Variants in TCF4 observed in about 807,000 individuals in gnomAD.
TCF4 encodes the protein transcription factor 4.
A neutral mutation model predicts 82.1 loss-of-function variants in TCF4; 3 were observed. The ratio of observed to expected loss-of-function variants is 0.04; its 90% CI spans 0.02 to 0.09. The LOEUF (loss-of-function observed/expected upper bound fraction) is 0.09. TCF4 is among the 10% of genes least tolerant of loss of function. TCF4 has a pLI of 1.00. For synonymous variants in TCF4, 276 were observed against 309.6 expected, an observed-to-expected ratio of 0.89 and a Z score of 1.14; for missense variants, 518 against 852.7, an observed-to-expected ratio of 0.61 and a Z score of 4.89.
At chr18:55,558,092 T>C (rs2097320585) in intron 3 of TCF4, among the ~76,000 whole-genome samples, 1 of 151,928 alleles carries the variant, frequency 6.6e-6, no homozygotes, top group East Asian at 1.9e-4. Context: ...TACACCTGTA[T>C]TCCCAGATAC....
intron 8 of TCF4, among the ~76,000 whole-genome samples, chr18:55,347,947 T>C (rs1302423054): frequency 6.6e-6 from 1 of 152,166 alleles, no homozygotes; most frequent in African/African-American, 2.4e-5. Context: ...CAAATACTCA[T>C]ACATACTGAA....
At chr18:55,457,831 A>G (rs1232948511) in intron 5 of TCF4, among the ~76,000 whole-genome samples, 1 of 152,208 alleles carries the variant, frequency 6.6e-6, no homozygotes, top group Non-Finnish European at 1.5e-5. Flanking sequence ...AAAATGCAAA[A>G]CCATTCATGT....
At chr18:55,370,650 C>CAAATG (rs1193725741) in intron 6 of TCF4, among the ~76,000 whole-genome samples, 1 of 151,980 alleles carries the variant, frequency 6.6e-6, no homozygotes, top group Non-Finnish European at 1.5e-5. Flanking sequence ...ACATATAGTG[C>CAAATG]AAATGACAAC....
chr18:55,617,779 T>C (rs1211070971), intron 2 of TCF4, among the ~76,000 whole-genome samples: 1 of 151,516 alleles, frequency 6.6e-6, no homozygotes, highest in Non-Finnish European at 1.5e-5. Context: ...TGCTTTTGTA[T>C]CCTGAAACTT....
intron 8 of TCF4, among the ~76,000 whole-genome samples, chr18:55,290,262 A>C (rs1433884264): frequency 2.0e-5 from 3 of 152,196 alleles, no homozygotes; most frequent in Non-Finnish European, 4.4e-5. Flanking sequence ...CTTAAGCTCA[A>C]ATAACTTTAG....
chr18:55,337,632 G>A (rs554566450), intron 8 of TCF4, among the ~76,000 whole-genome samples: 1 of 152,280 alleles, frequency 6.6e-6, no homozygotes, highest in Admixed American at 6.5e-5. Flanking sequence ...TTTCCAGACA[G>A]TCCAAAATTG....
intron 2 of TCF4, among the ~76,000 whole-genome samples, chr18:55,609,456 A>T (rs1349513134): frequency 6.6e-6 from 1 of 152,142 alleles, no homozygotes; most frequent in Non-Finnish European, 1.5e-5. Context: ...ATGAAGAGAG[A>T]TGCTGTTCCC....
intron 5 of TCF4, among the ~76,000 whole-genome samples, chr18:55,436,198 G>T (rs1462324767): frequency 6.6e-6 from 1 of 152,156 alleles, no homozygotes; most frequent in East Asian, 1.9e-4. Context: ...AGTGAGATAT[G>T]CCTTCAAATA....
At chr18:55,300,443 G>C (rs1410048264) in intron 8 of TCF4, among the ~76,000 whole-genome samples, 4 of 1,564 alleles carry the variant, frequency 2.6e-3, no homozygotes, top group African/African-American at 7.5e-3. Flanking sequence ...GGAGGGGTAA[G>C]TGGGGGAGGG....
At chr18:55,479,938 T>C (rs1194186939) in intron 3 of TCF4, among the ~76,000 whole-genome samples, 1 of 152,174 alleles carries the variant, frequency 6.6e-6, no homozygotes, top group Non-Finnish European at 1.5e-5. Flanking sequence ...CAGGGGAAAC[T>C]GGTCTTTGAA....
intron 8 of TCF4, among the ~76,000 whole-genome samples, chr18:55,329,918 C>G (rs894532594): frequency 2.6e-5 from 4 of 152,190 alleles, no homozygotes; most frequent in Non-Finnish European, 5.9e-5. Flanking sequence ...GTCAAAAGGA[C>G]AAACAGGTCA....
chr18:55,259,480 T>C (rs1174484793), intron 13 of TCF4: 1 of 156,418 alleles, frequency 6.4e-6, no homozygotes, highest in Non-Finnish European at 1.4e-5. Context: ...AAATTATAGT[T>C]TTCTCTAAAC....
intron 5 of TCF4, among the ~76,000 whole-genome samples, chr18:55,450,880 C>T (rs117329455): frequency 0.012 from 1,798 of 152,282 alleles, 22 homozygotes; most frequent in Non-Finnish European, 0.019. Flanking sequence ...CCTAGTCTCA[C>T]CACTCAAACA....
intron 8 of TCF4, among the ~76,000 whole-genome samples, chr18:55,322,702 G>A (rs936330119): frequency 6.6e-6 from 1 of 152,230 alleles, no homozygotes. Flanking sequence ...CCTCGCTGGC[G>A]CTGGGCGCCC....
At chr18:55,428,025 T>C (rs1358814892) in intron 5 of TCF4, among the ~76,000 whole-genome samples, 1 of 152,106 alleles carries the variant, frequency 6.6e-6, no homozygotes, top group African/African-American at 2.4e-5. Flanking sequence ...ATAAAAGAAA[T>C]ACTTTGCCAA....
intron 8 of TCF4, among the ~76,000 whole-genome samples, chr18:55,306,981 A>G (rs1307945949): frequency 2.6e-5 from 4 of 152,226 alleles, no homozygotes; most frequent in African/African-American, 4.8e-5. Flanking sequence ...AGCTCATTAT[A>G]ATTAGGAACC....
intron 5 of TCF4, among the ~76,000 whole-genome samples, chr18:55,443,188 T>C (rs1447842767): frequency 3.3e-5 from 5 of 152,200 alleles, no homozygotes; most frequent in Admixed American, 3.3e-4. Flanking sequence ...TACTAATCTA[T>C]GCCCTTCCTC....
intron 2 of TCF4, among the ~76,000 whole-genome samples, chr18:55,614,432 G>A (rs1015021106): frequency 6.6e-6 from 1 of 152,104 alleles, no homozygotes; most frequent in African/African-American, 2.4e-5. Flanking sequence ...CATCCCTAAA[G>A]CATAAGATAT....
chr18:55,456,271 T>C (rs1400364638), intron 5 of TCF4, among the ~76,000 whole-genome samples: 1 of 152,178 alleles, frequency 6.6e-6, no homozygotes, highest in Non-Finnish European at 1.5e-5. Flanking sequence ...AACCTCAATC[T>C]AATCCAGCAG....
Sources: gnomAD v4.1 joint callset for allele counts (sites outside exome capture counted in the v4.1 genomes callset) on GRCh38, gnomAD v4.1.1 for gene constraint, MANE v1.5 for transcripts, NCBI Gene and HGNC (gene_info 2026-07-23, HGNC 2026-07-21) for gene names.